DCDC1: variants seen among roughly 807,000 people sequenced by gnomAD.
The protein encoded by DCDC1 is doublecortin domain containing 1.
In DCDC1, 200 loss-of-function variants were observed where a neutral mutation model predicts 178.3. The ratio of observed to expected loss-of-function variants is 1.12; its 90% CI spans 1.00 to 1.26. The LOEUF is 1.26. Ranked by LOEUF, DCDC1 falls within the 50% of genes most tolerant of loss-of-function variation. DCDC1 has a pLI of 0.00. For synonymous variants in DCDC1, 690 were observed against 604.8 expected (o/e 1.14, Z -2.07); for missense variants, 1,983 against 1,749.2 (o/e 1.13, Z -2.38).
In DCDC1 at chr11:31,241,442, T is replaced by C. The variant is rs770426593; in HGVS notation, c.1221+8A>G. 5 of 396,764 alleles carry C rather than the reference T, an allele frequency of 1.3e-5. No individual in the cohort carries two copies. The highest frequency in any genetic ancestry group is 2.2e-5 in the Non-Finnish European group (5 of 224,490). The allele number at this position is 396,764 out of a possible 1,614,324, so 24.6% of individuals were successfully genotyped here. ...TAATAAAGAAATTTTTAAAGAGGGA[T>C]GACTCACCTGTTTATAATATTTTTT... On this transcript the variant is annotated splice_region_variant and intron_variant, in intron 9 of 38. Coordinates refer to ENST00000684477, the MANE Select transcript of DCDC1 (RefSeq NM_001387274.1).
At chr11:31,164,232 G>A (rs1031072228) in intron 9 of DCDC1, among the ~76,000 whole-genome samples, 7 of 152,082 alleles carry the variant, frequency 4.6e-5, no homozygotes, top group African/African-American at 1.4e-4. Context: ...GTGGTCCCAC[G>A]AGATTATGAT....
chr11:30,891,674 T>A (rs1003272818), intron 36 of DCDC1, among the ~76,000 whole-genome samples: 14 of 152,238 alleles, frequency 9.2e-5, no homozygotes, highest in African/African-American at 3.1e-4. Flanking sequence ...AAGCTTTCAC[T>A]ATCTTTTTTA....
intron 20 of DCDC1, among the ~76,000 whole-genome samples, chr11:31,034,093 G>A (rs1254042712): frequency 1.4e-5 from 2 of 145,218 alleles, no homozygotes; most frequent in South Asian, 2.2e-4. Context: ...GCAGTGAGCC[G>A]AGATCATGCC....
intron 20 of DCDC1, among the ~76,000 whole-genome samples, chr11:30,970,757 G>A (rs1338775563): frequency 1.3e-5 from 2 of 152,106 alleles, no homozygotes; most frequent in Non-Finnish European, 2.9e-5. Context: ...CACAGCCACT[G>A]ATCCTTCCCC....
At chr11:31,030,088 G>GA (rs1220961359) in intron 20 of DCDC1, among the ~76,000 whole-genome samples, 79 of 143,166 alleles carry the variant, frequency 5.5e-4, no homozygotes, top group East Asian at 1.8e-3. Context: ...GTATCGACTT[G>GA]AAAAAAAAAA....
chr11:31,303,199 T>C (rs1411388008), intron 6 of DCDC1, among the ~76,000 whole-genome samples: 1 of 152,186 alleles, frequency 6.6e-6, no homozygotes, highest in Non-Finnish European at 1.5e-5. Flanking sequence ...AGCTTTTATC[T>C]TTCTCTGACC....
At chr11:30,948,255 T>C (rs1324856951) in intron 21 of DCDC1, among the ~76,000 whole-genome samples, 1 of 152,096 alleles carries the variant, frequency 6.6e-6, no homozygotes, top group Non-Finnish European at 1.5e-5. Flanking sequence ...CCATTCATAA[T>C]TGCTACTAAG....
rs1272204745 is a variant in DCDC1 at position 31,268,177 on chromosome 11, GT to G, written c.961-2578del. On this transcript the variant is annotated intron_variant, in intron 7 of 38. Coordinates refer to ENST00000684477, the MANE Select transcript of DCDC1 (RefSeq NM_001387274.1). ...TTTAAAAGTATAATGATGTCCTTCG[GT>G]ACAATTTATATTTCCTAGTTATGAG... Among the ~76,000 whole-genome samples the G allele has an allele frequency of 2.6e-5, 4 of 151,950 alleles. 1 individual carries two copies. The highest frequency in any genetic ancestry group is 4.8e-5 in the African/African-American group (2 of 41,320).
chr11:31,090,656 C>T (rs1957770336), intron 17 of DCDC1, among the ~76,000 whole-genome samples: 1 of 152,130 alleles, frequency 6.6e-6, no homozygotes, highest in African/African-American at 2.4e-5. Context: ...ATCTGCTTTG[C>T]AAGTTAGAGA....
chr11:30,913,739 T>A (rs1223938527), intron 27 of DCDC1, among the ~76,000 whole-genome samples: 1 of 152,162 alleles, frequency 6.6e-6, no homozygotes, highest in Non-Finnish European at 1.5e-5. Flanking sequence ...TGACCCAACA[T>A]CTCATAGAGT....
chr11:31,326,796 T>A (rs1949671409), intron 3 of DCDC1, among the ~76,000 whole-genome samples: 1 of 152,188 alleles, frequency 6.6e-6, no homozygotes, highest in Admixed American at 6.5e-5. Flanking sequence ...AACATTTCCA[T>A]AAGAAGATTA....
intron 9 of DCDC1, among the ~76,000 whole-genome samples, chr11:31,147,706 G>A (rs1170352657): frequency 6.6e-6 from 1 of 152,090 alleles, no homozygotes; most frequent in East Asian, 1.9e-4. Context: ...TATCTATTAG[G>A]GCTGATGGGT....
At chr11:31,304,667 T>C (rs1272382377) in intron 6 of DCDC1, among the ~76,000 whole-genome samples, 1 of 152,178 alleles carries the variant, frequency 6.6e-6, no homozygotes, top group Non-Finnish European at 1.5e-5. Flanking sequence ...TCATCTGTAA[T>C]GAACTCCAGA....
intron 8 of DCDC1, among the ~76,000 whole-genome samples, chr11:31,256,450 C>T (rs1364507436): frequency 6.6e-6 from 1 of 152,124 alleles, no homozygotes; most frequent in Non-Finnish European, 1.5e-5. Flanking sequence ...TCACAAAACT[C>T]AGGAAAGTGC....
At chr11:30,961,950 G>C (rs1316299497) in intron 20 of DCDC1, among the ~76,000 whole-genome samples, 1 of 151,936 alleles carries the variant, frequency 6.6e-6, no homozygotes, top group African/African-American at 2.4e-5. Context: ...CTTAAACACT[G>C]CATAAGGGTT....
intron 9 of DCDC1, among the ~76,000 whole-genome samples, chr11:31,190,879 C>T (rs941970331): frequency 6.6e-6 from 1 of 151,958 alleles, no homozygotes; most frequent in Non-Finnish European, 1.5e-5. Flanking sequence ...TACTTTCCAT[C>T]TATTTATTAA....
chr11:31,324,891 T>C (rs1419462021), intron 3 of DCDC1, among the ~76,000 whole-genome samples: 1 of 152,152 alleles, frequency 6.6e-6, no homozygotes, highest in African/African-American at 2.4e-5. Context: ...GTAACCTAGA[T>C]AATGTACAAC....
At chr11:31,214,153 AT>A in intron 9 of DCDC1, among the ~76,000 whole-genome samples, 1 of 152,184 alleles carries the variant, frequency 6.6e-6, no homozygotes, top group East Asian at 1.9e-4. Flanking sequence ...AGGTGACCAC[AT>A]GGGGCCTTGA....
chr11:31,302,134 C>T (rs1298595341), intron 6 of DCDC1, among the ~76,000 whole-genome samples: 3 of 152,128 alleles, frequency 2.0e-5, no homozygotes, highest in Non-Finnish European at 2.9e-5. Context: ...GAACTCCATA[C>T]AACAGAACTT....
Sources: gnomAD v4.1 joint callset for allele counts (sites outside exome capture counted in the v4.1 genomes callset) on GRCh38, gnomAD v4.1.1 for gene constraint, MANE v1.5 for transcripts, NCBI Gene and HGNC (gene_info 2026-07-23, HGNC 2026-07-21) for gene names.